Variants in FAM83B observed in about 807,000 individuals in gnomAD.
The protein encoded by FAM83B is scaffolding CK1 anchoring protein B.
FAM83B carries 26 observed loss-of-function variants against 38.8 expected under a neutral mutation model. The observed-to-expected ratio is 0.67, with a 90% confidence interval of 0.49 to 0.93. The LOEUF (loss-of-function observed/expected upper bound fraction) is 0.93, where lower values mean the gene tolerates loss of function less well. FAM83B is among the 40% of genes least tolerant of loss of function. FAM83B has a pLI of 0.00. For synonymous variants in FAM83B, 419 were observed against 423.1 expected (o/e 0.99, Z 0.12); for missense variants, 1,237 against 1,197.3 (o/e 1.03, Z -0.49).
intron 2 of FAM83B, among the ~76,000 whole-genome samples, chr6:54,910,437 T>C (rs949600954): frequency 1.3e-5 from 2 of 152,220 alleles, no homozygotes; most frequent in African/African-American, 4.8e-5. Context: ...CATGCTTCTC[T>C]GCCCTTTCGT....
At chr6:54,916,532 A>G (rs1360175501) in intron 2 of FAM83B, among the ~76,000 whole-genome samples, 1 of 152,202 alleles carries the variant, frequency 6.6e-6, no homozygotes, top group African/African-American at 2.4e-5. Flanking sequence ...TAAGTGCTCA[A>G]TATCCTAGCA....
intron 2 of FAM83B, among the ~76,000 whole-genome samples, chr6:54,902,803 G>A (rs1772691894): frequency 6.6e-6 from 1 of 152,156 alleles, no homozygotes; most frequent in African/African-American, 2.4e-5. Context: ...TTCAAGGAGT[G>A]CTGATTACTG....
chr6:54,906,454 G>A (rs981487226), intron 2 of FAM83B, among the ~76,000 whole-genome samples: 2 of 151,916 alleles, frequency 1.3e-5, no homozygotes, highest in Admixed American at 6.6e-5. Context: ...GCATGAGCTC[G>A]GCTCACTGCA....
At chr6:54,866,431 C>T (rs1247639032) in intron 1 of FAM83B, among the ~76,000 whole-genome samples, 1 of 152,046 alleles carries the variant, frequency 6.6e-6, no homozygotes, top group Non-Finnish European at 1.5e-5. Flanking sequence ...TAGAATATTT[C>T]TATAACTACA....
chr6:54,937,545 T>C (rs917498687), intron 4 of FAM83B, among the ~76,000 whole-genome samples: 2 of 152,076 alleles, frequency 1.3e-5, no homozygotes, highest in African/African-American at 2.4e-5. Flanking sequence ...ATTACACTTA[T>C]TGAGTAAACC....
At chr6:54,894,757 A>G (rs750417081) in intron 2 of FAM83B, among the ~76,000 whole-genome samples, 2 of 151,218 alleles carry the variant, frequency 1.3e-5, no homozygotes, top group Non-Finnish European at 2.9e-5. Flanking sequence ...CAAATACAAA[A>G]TGGCTTCTTT....
intron 2 of FAM83B, among the ~76,000 whole-genome samples, chr6:54,903,468 T>A (rs1772708512): frequency 6.6e-6 from 1 of 152,210 alleles, no homozygotes. Flanking sequence ...TAACTTTGAA[T>A]GTTGTCAATA....
chr6:54,869,615 A>G (rs997287722), intron 1 of FAM83B, among the ~76,000 whole-genome samples: 2 of 151,920 alleles, frequency 1.3e-5, no homozygotes, highest in African/African-American at 4.8e-5. Flanking sequence ...ATTCTTACTC[A>G]TTGCTCCGGG....
intron 2 of FAM83B, among the ~76,000 whole-genome samples, chr6:54,913,903 T>G (rs239819): frequency 1.3e-5 from 2 of 151,432 alleles, no homozygotes; most frequent in Admixed American, 6.6e-5. Context: ...CTTTTTTTTT[T>G]AAAAAAAAGC....
chr6:54,890,246 C>G (rs1023947636), intron 2 of FAM83B, among the ~76,000 whole-genome samples: 2 of 151,832 alleles, frequency 1.3e-5, no homozygotes, highest in African/African-American at 4.8e-5. Flanking sequence ...GTACACCAAC[C>G]TTTTGCTAAG....
At chr6:54,890,878 T>C (rs1354964848) in intron 2 of FAM83B, among the ~76,000 whole-genome samples, 2 of 152,100 alleles carry the variant, frequency 1.3e-5, no homozygotes, top group Non-Finnish European at 2.9e-5. Context: ...TCAGAGTGAA[T>C]TTTAAACTTC....
chr6:54,861,360 GC>G (rs1420063554), intron 1 of FAM83B, among the ~76,000 whole-genome samples: 1 of 152,098 alleles, frequency 6.6e-6, no homozygotes, highest in African/African-American at 2.4e-5. Context: ...TTTGAGACCA[GC>G]CTGGCCAACA....
In FAM83B at chr6:54,870,397, C is replaced by A; in HGVS notation, c.151C>A (p.Arg51=). ...ATACCAAGAATTTCTTGTCCAGGAA[C>A]GAGTTTCAGACTTTCTTGCTGAGGA... ...EAYQEFLVQE[R]VSDFLAEEEI... Residue 51 remains arginine, a synonymous_variant, in exon 2 of 5, where the codon CGA becomes AGA. Coordinates refer to ENST00000306858, the MANE Select transcript of FAM83B (RefSeq NM_001010872.3). 6.2e-7 allele frequency: 1 copy of A among 1,613,976 alleles called. No homozygotes were observed. The highest frequency in any genetic ancestry group is 8.5e-7 in the Non-Finnish European group (1 of 1,179,940).
intron 1 of FAM83B, among the ~76,000 whole-genome samples, chr6:54,860,161 C>T (rs1220904259): frequency 1.3e-5 from 2 of 152,064 alleles, no homozygotes; most frequent in Admixed American, 1.3e-4. Context: ...AGCATAATAA[C>T]AAGCTTTTCT....
intron 2 of FAM83B, among the ~76,000 whole-genome samples, chr6:54,906,987 A>G (rs1020171508): frequency 6.6e-6 from 1 of 152,180 alleles, no homozygotes; most frequent in East Asian, 1.9e-4. Flanking sequence ...TGTTTTATGA[A>G]TGCCCATTTC....
At chr6:54,900,205 C>T (rs370986741) in intron 2 of FAM83B, among the ~76,000 whole-genome samples, 69 of 152,258 alleles carry the variant, frequency 4.5e-4, no homozygotes, top group Admixed American at 2.4e-3. Flanking sequence ...ATGCAAGGCA[C>T]AACATGAAAG....
chr6:54,909,109 A>G (rs1156500459), intron 2 of FAM83B, among the ~76,000 whole-genome samples: 1 of 152,028 alleles, frequency 6.6e-6, no homozygotes, highest in East Asian at 2.0e-4. Context: ...ACCTTCCACA[A>G]TGCAAGTGTT....
intron 2 of FAM83B, among the ~76,000 whole-genome samples, chr6:54,896,906 T>C (rs1385391067): frequency 2.6e-5 from 4 of 152,188 alleles, no homozygotes; most frequent in African/African-American, 9.6e-5. Flanking sequence ...AAAAATCAAT[T>C]ATATTTGTTG....
At chr6:54,900,189 A>T (rs1046364413) in intron 2 of FAM83B, among the ~76,000 whole-genome samples, 10 of 152,212 alleles carry the variant, frequency 6.6e-5, no homozygotes, top group African/African-American at 2.4e-4. Context: ...TGGTATTTTC[A>T]TATAAATGCA....
Sources: gnomAD v4.1 joint callset for allele counts (sites outside exome capture counted in the v4.1 genomes callset) on GRCh38, gnomAD v4.1.1 for gene constraint, MANE v1.5 for transcripts, NCBI Gene and HGNC (gene_info 2026-07-23, HGNC 2026-07-21) for gene names.